Variants in CCR1 observed in about 807,000 individuals in gnomAD.
CCR1 encodes C-C chemokine receptor type 1.
In CCR1, 1 loss-of-function variant was observed where a neutral mutation model predicts 0.3. That is an observed-to-expected ratio of 3.70 (90% CI 1.31 to 17.54). CCR1 has a LOEUF of 17.54. Ranked by LOEUF, CCR1 falls within the 30% of genes most tolerant of loss-of-function variation. The probability of loss-of-function intolerance (pLI) is 0.11; values close to 1 mark genes in which losing one functional copy is unlikely to be tolerated. For missense variants in CCR1, 349 were observed against 435.4 expected, an observed-to-expected ratio of 0.80 and a Z score of 1.77; for synonymous variants, 207 against 182.5, an observed-to-expected ratio of 1.13 and a Z score of -1.08.
At position 46,203,266 on chromosome 3, in the gene CCR1, C is replaced by T. The variant is rs1356602813; in HGVS notation, c.1048G>A (p.Glu350Lys). The change falls in exon 2 of 2, where the codon GAA becomes AAA. Residue 350 changes from glutamate (E) to lysine (K), a missense_variant. Coordinates refer to ENST00000296140, the MANE Select transcript of CCR1 (RefSeq NM_001295.3). This position sits in a 1 kb window ranked among gnomAD's most constrained non-coding sequence, Gnocchi z 4.5. ...SSTSPSTGEH[E>K]LSAGF ...CTGAGTCAGAACCCAGCAGAGAGTT[C>T]ATGCTCCCCTGTGGAGGGAGATGTG... 6.2e-7 allele frequency: 1 copy of T among 1,613,516 alleles called. No individual in the cohort carries two copies. Among genetic ancestry groups the T allele is most frequent in the Admixed American group, 1.7e-5 (1 of 60,008 alleles).
rs200913488 is a variant in CCR1 at position 46,203,405 on chromosome 3, G to A, written c.909C>T (p.Phe303=). 114 of 1,614,054 alleles carry A rather than the reference G, an allele frequency of 7.1e-5. No homozygotes were observed. The highest frequency in any genetic ancestry group is 3.0e-4 in the Admixed American group (18 of 59,998). Residue 303 remains phenylalanine, a synonymous_variant, in exon 2 of 2, where the codon TTC becomes TTT. Transcript: ENST00000296140. This position sits in a 1 kb window ranked among gnomAD's most constrained non-coding sequence, Gnocchi z 4.5. ...HCCVNPVIYA[F]VGERFRKYLR... ...GGTACTTCCGGAACCTCTCACCAAC[G>A]AAGGCGTAGATCACTGGGTTGACAC...
rs1171473906 is a variant in CCR1, at chr3:46,203,767, A to T, written c.547T>A (p.Cys183Ser). 1 of 1,614,188 alleles carries T rather than the reference A, an allele frequency of 6.2e-7. No homozygotes were observed. The highest frequency in any genetic ancestry group is 1.7e-5 in the Admixed American group (1 of 60,024). The change falls in exon 2 of 2, where the codon TGC (cysteine) becomes AGC (serine). Residue 183 changes from cysteine (C) to serine (S), a missense_variant. By Grantham distance (112) the Cys-to-Ser change is moderately radical. Transcript: ENST00000296140. The surrounding 1 kb of genome is among the most constrained non-coding windows in gnomAD (Gnocchi z 4.5). Reference protein sequence around the residue: ...KTQWEFTHHTCSLHFPHESLR... With the variant: ...KTQWEFTHHTSSLHFPHESLR... ...CTTTCGTGAGGAAAGTGAAGGCTGC[A>T]GGTGTGGTGAGTGAATTCCCATTGG... is the stretch of plus-strand genomic sequence containing the variant.
chr3:46,206,798 T>C (rs945608820), intron 1 of CCR1, among the ~76,000 whole-genome samples: 20 of 152,198 alleles, frequency 1.3e-4, no homozygotes, highest in Admixed American at 5.2e-4. Context: ...TGTTGTCATC[T>C]AATCTGCCAG....
At chr3:46,204,351 T>A in intron 1 of CCR1, 27 bp from the exon 2 acceptor site, 1 of 1,328,310 alleles carries the variant, frequency 7.5e-7, no homozygotes, top group Non-Finnish European at 1.0e-6. Flanking sequence ...AAAAAAAGAT[T>A]TGTCTTTACT....
intron 1 of CCR1, among the ~76,000 whole-genome samples, chr3:46,207,648 A>ATT (rs5848784): frequency 3.8e-4 from 56 of 145,512 alleles, no homozygotes; most frequent in African/African-American, 8.9e-4. Context: ...TTGGCAAGCA[A>ATT]TTTTTTTTTT....
Position 46,203,324 on chromosome 3 carries a change from G to A in CCR1, c.990C>T (p.Phe330=). The change falls in exon 2 of 2, where the codon TTC becomes TTT. Residue 330 remains phenylalanine (F), a synonymous_variant. Transcript: ENST00000296140. The surrounding 1 kb of genome is among the most constrained non-coding windows in gnomAD (Gnocchi z 4.5). ...CCCTCTCCAGCCTGTCCACGGAGAG[G>A]AAGGGGAGCCATTTAACCAGGTGCA... is the stretch of plus-strand genomic sequence containing the variant. ...VAVHLVKWLP[F]LSVDRLERVS... The A allele has an allele frequency of 6.2e-7, 1 of 1,614,208 alleles. No individual in the cohort carries two copies.
At position 46,202,085 on chromosome 3, in the gene CCR1, C is replaced by G. The variant is rs759212831; in HGVS notation, c.*1161G>C. On this transcript the variant is annotated 3_prime_UTR_variant, in exon 2 of 2. Transcript: ENST00000296140. ...ATCCAGAACATTTTGGATAAATAAG[C>G]TACTTTGAGTTAAGGGCCTTCTCGG... is the stretch of plus-strand genomic sequence containing the variant. 6.6e-6 allele frequency: 1 copy of G among 152,170 alleles called. No homozygotes were observed. Among genetic ancestry groups the G allele is most frequent in the Non-Finnish European group, 1.5e-5 (1 of 68,024 alleles). 9.4% of individuals were successfully genotyped at this position (152,170 alleles called of 1,614,324 possible).
intron 1 of CCR1, 59 bp from the exon 2 acceptor site, chr3:46,204,383 A>C (rs1206673639): frequency 9.1e-7 from 1 of 1,102,440 alleles, no homozygotes; most frequent in Non-Finnish European, 1.3e-6. Context: ...GGCAGTGGGC[A>C]CTGGACAGTA....
chr3:46,204,199 G>C lies in CCR1; in HGVS notation c.115C>G (p.Pro39Ala), dbSNP rs757942147. Residue 39 changes from proline (P) to alanine (A), a missense_variant, in exon 2 of 2, where the codon CCT (proline) becomes GCT (alanine). Physicochemically the swap from Pro to Ala is conservative, Grantham distance 27. Coordinates refer to ENST00000296140, the MANE Select transcript of CCR1 (RefSeq NM_001295.3). ...ATGACAAATACCAAGGAGTACAGAGGGGGCAGCAGTTGGGCCCCAAAGGCC... is the reference window on the plus strand; with the variant it reads ...ATGACAAATACCAAGGAGTACAGAGCGGGCAGCAGTTGGGCCCCAAAGGCC... Reference protein sequence around the residue: ...ERAFGAQLLPPLYSLVFVIGL... With the variant: ...ERAFGAQLLPALYSLVFVIGL... The C allele has an allele frequency of 5.0e-6, 8 of 1,613,986 alleles. No homozygotes were observed. The highest frequency in any genetic ancestry group is 3.3e-5 in the South Asian group (3 of 91,078).
Position 46,204,331 on chromosome 3 carries a change from G to T in CCR1, c.-11-7C>A. 2.1e-6 allele frequency: 3 copies of T among 1,446,752 alleles called. No homozygotes were observed. Among genetic ancestry groups the T allele is most frequent in the Non-Finnish European group, 2.8e-6 (3 of 1,084,872 alleles). 89.6% of individuals were successfully genotyped at this position (1,446,752 alleles called of 1,614,324 possible). ...GTTTCCATCCCGGCTTCTCCTACAG[G>T]TTAAAAAAAAAAAAAAGATTTGTCT... On this transcript the variant is annotated splice_polypyrimidine_tract_variant and splice_region_variant and intron_variant, in intron 1 of 1. Transcript: ENST00000296140.
At position 46,203,693 on chromosome 3, in the gene CCR1, C is replaced by A; in HGVS notation, c.621G>T (p.Gly207=). ...TCATGACCAACAAAGGCAATACCAGCCCAAAGAGGTTCAGTTTCAGAGCCT... is the reference window on the plus strand; with the variant it reads ...TCATGACCAACAAAGGCAATACCAGACCAAAGAGGTTCAGTTTCAGAGCCT... ...LFQALKLNLF[G]LVLPLLVMII... is the part of the protein sequence containing the mutation. The change falls in exon 2 of 2, where the codon GGG becomes GGT. Residue 207 remains glycine (G), a synonymous_variant. Transcript: ENST00000296140. The surrounding 1 kb of genome is among the most constrained non-coding windows in gnomAD (Gnocchi z 4.5). The A allele has an allele frequency of 6.2e-7, 1 of 1,614,162 alleles. No homozygotes were observed. Among genetic ancestry groups the A allele is most frequent in the Non-Finnish European group, 8.5e-7 (1 of 1,180,012 alleles).
chr3:46,202,233 T>C lies in CCR1; in HGVS notation c.*1013A>G, dbSNP rs1356563564. On this transcript the variant is annotated 3_prime_UTR_variant, in exon 2 of 2. Transcript: ENST00000296140. ...CCTTATTATTATTATTATTTTTTTT[T>C]TTTGCTGACAAGTCCAAGATGGCAG... 1 of 151,950 alleles carries C rather than the reference T, an allele frequency of 6.6e-6. No homozygotes were observed. Among genetic ancestry groups the C allele is most frequent in the East Asian group, 1.9e-4 (1 of 5,192 alleles). 9.4% of individuals were successfully genotyped at this position (151,950 alleles called of 1,614,324 possible).
At position 46,201,849 on chromosome 3, in the gene CCR1, G is replaced by GAA. The variant is rs1159408169; in HGVS notation, c.*1395_*1396dup. The GAA allele has an allele frequency of 6.6e-6, 1 of 152,116 alleles. No homozygotes were observed. The highest frequency in any genetic ancestry group is 1.5e-5 in the Non-Finnish European group (1 of 68,002). The allele number at this position is 152,116 out of a possible 1,614,324, so 9.4% of individuals were successfully genotyped here. ...GCACCCAACAAAAAACAAACTAAAA[G>GAA]AAAATACACTCAAAAGCACACAGTG... On this transcript the variant is annotated 3_prime_UTR_variant, in exon 2 of 2. Transcript: ENST00000296140.
intron 1 of CCR1, among the ~76,000 whole-genome samples, chr3:46,206,329 C>T (rs1050953171): frequency 6.6e-6 from 1 of 152,146 alleles, no homozygotes; most frequent in East Asian, 1.9e-4. Flanking sequence ...TCAAACCCAT[C>T]CCCTGGCCCA....
chr3:46,204,389 C>T (rs1250769194), intron 1 of CCR1, 65 bp from the exon 2 acceptor site: 6 of 1,032,934 alleles, frequency 5.8e-6, no homozygotes, highest in Non-Finnish European at 6.9e-6. Flanking sequence ...GGGCACTGGA[C>T]AGTAAAGACA....
chr3:46,208,311 T>C lies in CCR1; in HGVS notation c.-41A>G, dbSNP rs201318090. ...GTTCCAAGGGACTTTGTCCGTGAAG[T>C]CTTTGTTTCTGGGGCTTTCTGGGTT... On this transcript the variant is annotated 5_prime_UTR_variant, in exon 1 of 2. Coordinates refer to ENST00000296140, the MANE Select transcript of CCR1 (RefSeq NM_001295.3). 2 of 152,206 alleles carry C rather than the reference T, an allele frequency of 1.3e-5. No homozygotes were observed. Among genetic ancestry groups the C allele is most frequent in the Admixed American group, 1.3e-4 (2 of 15,286 alleles). The allele number at this position is 152,206 out of a possible 1,614,324, so 9.4% of individuals were successfully genotyped here. A position where few individuals can be genotyped will look rare whatever the true frequency, so the allele number is the denominator to read the frequency against.
intron 1 of CCR1, among the ~76,000 whole-genome samples, chr3:46,205,798 G>T (rs1040239795): frequency 6.6e-5 from 10 of 152,032 alleles, no homozygotes; most frequent in Non-Finnish European, 1.3e-4. Context: ...CTTATTGAGG[G>T]CCTGGCAAGA....
At position 46,203,468 on chromosome 3, in the gene CCR1, A is replaced by T. The variant is rs1334153835; in HGVS notation, c.846T>A (p.Ala282=). ...AGGCGATCACCTCCGTCACTTGCACAGCCAGGTCCAAATGTCTGCTCTGCT... is the reference window on the plus strand; with the variant it reads ...AGGCGATCACCTCCGTCACTTGCACTGCCAGGTCCAAATGTCTGCTCTGCT... ...ECEQSRHLDL[A]VQVTEVIAYT... is the part of the protein sequence containing the mutation. Residue 282 remains alanine (A), a synonymous_variant, in exon 2 of 2, where the codon GCT becomes GCA. Coordinates refer to ENST00000296140, the MANE Select transcript of CCR1 (RefSeq NM_001295.3). The surrounding 1 kb of genome is among the most constrained non-coding windows in gnomAD (Gnocchi z 4.5). 1 of 1,614,082 alleles carries T rather than the reference A, an allele frequency of 6.2e-7. No individual in the cohort carries two copies. The highest frequency in any genetic ancestry group is 8.5e-7 in the Non-Finnish European group (1 of 1,180,040).
intron 1 of CCR1, among the ~76,000 whole-genome samples, chr3:46,205,928 G>A (rs2125920918): frequency 6.6e-6 from 1 of 152,200 alleles, no homozygotes; most frequent in South Asian, 2.1e-4. Context: ...GGATGTCCCT[G>A]GCTGGCTGGT....
Sources: allele counts gnomAD v4.1 joint callset (sites outside exome capture counted in the v4.1 genomes callset), GRCh38; gene constraint gnomAD v4.1.1; non-coding constraint Gnocchi (gnomAD v3.1); transcripts MANE v1.5; gene names NCBI Gene and HGNC (gene_info 2026-07-23, HGNC 2026-07-21).